Variants in TAB2 observed in about 807,000 individuals in gnomAD.
TAB2 encodes the protein TGF-beta-activated kinase 1 and MAP3K7-binding protein 2.
TAB2 carries 3 observed loss-of-function variants against 65.0 expected under a neutral mutation model. The observed-to-expected ratio is 0.05, with a 90% CI of 0.02 to 0.12. The LOEUF is 0.12. Among genes scored for constraint, TAB2 ranks in the 10% least tolerant of loss-of-function variants. The pLI is 1.00. For synonymous variants in TAB2, 298 were observed against 285.1 expected, an observed-to-expected ratio of 1.05 and a Z score of -0.46; for missense variants, 623 against 840.3, an observed-to-expected ratio of 0.74 and a Z score of 3.20.
intron 1 of TAB2, among the ~76,000 whole-genome samples, chr6:149,329,344 TA>T (rs11335346): frequency 0.87 from 132,562 of 152,100 alleles, 57,833 homozygotes; most frequent in Middle Eastern, 0.96. Context: ...GAGAAGGAAA[TA>T]ATTGAATGTG....
rs1298254822 is a variant in TAB2, at chr6:149,389,432, G to A, written c.1604-8172G>A. ...AGCCCGAGGCGGGTAGATCACCTGA[G>A]GTTGGGAGTTCGAGACCAGCCTGAC... is the stretch of plus-strand genomic sequence containing the variant. On this transcript the variant is annotated intron_variant, in intron 3 of 6. Transcript: ENST00000637181. Among the ~76,000 whole-genome samples, 4 of 152,014 alleles carry A rather than the reference G, an allele frequency of 2.6e-5. No individual in the cohort carries two copies. In the South Asian group the frequency reaches 8.3e-4, roughly 32 times the overall value.
intron 1 of TAB2, among the ~76,000 whole-genome samples, chr6:149,342,168 A>T (rs1040731749): frequency 1.3e-5 from 2 of 152,174 alleles, no homozygotes; most frequent in East Asian, 1.9e-4. Flanking sequence ...AAGTATTTTT[A>T]AAAATTGGAA....
At chr6:149,386,012 T>A (rs1158123195) in intron 3 of TAB2, among the ~76,000 whole-genome samples, 1 of 152,176 alleles carries the variant, frequency 6.6e-6, no homozygotes. Context: ...TTAGATTCAC[T>A]CAATCCCCTT....
intron 1 of TAB2, among the ~76,000 whole-genome samples, chr6:149,253,958 A>AAAAGAAGGAAAG (rs1777920716): frequency 1.3e-5 from 1 of 76,304 alleles, no homozygotes; most frequent in Non-Finnish European, 2.7e-5. Flanking sequence ...GAAAGAAAGA[A>AAAAGAAGGAAAG]AAAGAAAGAA....
chr6:149,390,368 A>C (rs113787878), intron 3 of TAB2, among the ~76,000 whole-genome samples: 4 of 152,314 alleles, frequency 2.6e-5, no homozygotes, highest in African/African-American at 9.6e-5. Context: ...TTTTCATTTA[A>C]AGAAGCCTAA....
At chr6:149,296,852 C>A (rs1441702156) in intron 1 of TAB2, among the ~76,000 whole-genome samples, 1 of 152,198 alleles carries the variant, frequency 6.6e-6, no homozygotes, top group Non-Finnish European at 1.5e-5. Flanking sequence ...TGGCATTGAA[C>A]ACAGATATTT....
intron 1 of TAB2, among the ~76,000 whole-genome samples, chr6:149,365,685 T>G (rs1293390410): frequency 6.6e-6 from 1 of 152,088 alleles, no homozygotes; most frequent in East Asian, 1.9e-4. Context: ...AGCCATAATT[T>G]CTTCAAATTT....
At chr6:149,264,419 G>C (rs1322802650) in intron 1 of TAB2, among the ~76,000 whole-genome samples, 1 of 152,172 alleles carries the variant, frequency 6.6e-6, no homozygotes, top group Non-Finnish European at 1.5e-5. Context: ...ATAAAGAACT[G>C]TATCACTGGT....
intron 1 of TAB2, among the ~76,000 whole-genome samples, chr6:149,291,905 A>T (rs773227355): frequency 2.2e-4 from 34 of 152,192 alleles, no homozygotes; most frequent in Non-Finnish European, 4.4e-4. Context: ...ACATTATTTT[A>T]GATTTCTAGG....
chr6:149,406,901 C>T (rs555391662), intron 6 of TAB2, among the ~76,000 whole-genome samples: 1 of 151,970 alleles, frequency 6.6e-6, no homozygotes. Context: ...ATTTTTAGTA[C>T]AGACGGGGTT....
intron 1 of TAB2, among the ~76,000 whole-genome samples, chr6:149,300,852 A>G (rs866670708): frequency 6.6e-6 from 1 of 152,342 alleles, no homozygotes; most frequent in South Asian, 2.1e-4. Flanking sequence ...GAATTAAAGT[A>G]TCCTAGTCTC....
intron 1 of TAB2, among the ~76,000 whole-genome samples, chr6:149,251,502 T>C (rs1489757093): frequency 6.6e-6 from 1 of 152,240 alleles, no homozygotes; most frequent in Admixed American, 6.5e-5. Flanking sequence ...GACCCAATCA[T>C]GTTTTCCTTC....
intron 3 of TAB2, among the ~76,000 whole-genome samples, chr6:149,387,786 C>G (rs748084707): frequency 6.6e-5 from 10 of 151,108 alleles, no homozygotes; most frequent in Non-Finnish European, 1.3e-4. Context: ...ATTTTGTATT[C>G]TTCTAGGATT....
At chr6:149,220,285 A>G (rs1777114124) in intron 1 of TAB2, among the ~76,000 whole-genome samples, 1 of 152,246 alleles carries the variant, frequency 6.6e-6, no homozygotes, top group Non-Finnish European at 1.5e-5. Context: ...CTTTAATGCC[A>G]TTCAAAAACT....
chr6:149,283,769 G>A (rs1298958277), intron 1 of TAB2, among the ~76,000 whole-genome samples: 3 of 152,054 alleles, frequency 2.0e-5, no homozygotes, highest in Non-Finnish European at 2.9e-5. Context: ...AGGAGAAGTG[G>A]TGACTTTTGG....
intron 1 of TAB2, among the ~76,000 whole-genome samples, chr6:149,324,477 A>G (rs1779541357): frequency 6.6e-6 from 1 of 152,014 alleles, no homozygotes; most frequent in Non-Finnish European, 1.5e-5. Flanking sequence ...TTGACCTTTA[A>G]TATCTTAATG....
chr6:149,368,829 A>T (rs1325437032), intron 1 of TAB2, among the ~76,000 whole-genome samples: 3 of 152,194 alleles, frequency 2.0e-5, no homozygotes, highest in Admixed American at 2.0e-4. Context: ...TAAAAGGCTT[A>T]TTACTATATA....
intron 1 of TAB2, among the ~76,000 whole-genome samples, chr6:149,285,739 T>C (rs975879601): frequency 6.6e-6 from 1 of 152,148 alleles, no homozygotes; most frequent in Non-Finnish European, 1.5e-5. Context: ...CTGGGGTAGG[T>C]GGACAAACTG....
At chr6:149,383,892 A>G (rs766443160) in intron 3 of TAB2, among the ~76,000 whole-genome samples, 6 of 152,062 alleles carry the variant, frequency 3.9e-5, no homozygotes, top group Non-Finnish European at 8.8e-5. Context: ...TCAGTGACAC[A>G]ATCTTGATCT....
Sources: gnomAD v4.1 joint callset for allele counts (sites outside exome capture counted in the v4.1 genomes callset) on GRCh38, gnomAD v4.1.1 for gene constraint, MANE v1.5 for transcripts, NCBI Gene and HGNC (gene_info 2026-07-23, HGNC 2026-07-21) for gene names.